ZNF718: variants seen among roughly 807,000 people sequenced by gnomAD.
ZNF718 encodes the protein zinc finger protein 718.
ZNF718 carries 3 observed loss-of-function variants against 2.6 expected under a neutral mutation model. The ratio of observed to expected loss-of-function variants is 1.16; its 90% CI spans 0.53 to 3.01. ZNF718 has a LOEUF of 3.01. Among genes scored for constraint, ZNF718 ranks in the 30% most tolerant of loss-of-function variants. ZNF718 has a pLI of 0.03. For synonymous variants in ZNF718, 135 were observed against 77.9 expected (o/e 1.73, Z -3.86); for missense variants, 468 against 230.0 (o/e 2.03, Z -6.69).
At chr4:126,859 G>C (rs188376064) in intron 1 of ZNF718, among the ~76,000 whole-genome samples, 1 of 149,060 alleles carries the variant, frequency 6.7e-6, no homozygotes, top group African/African-American at 2.5e-5. Flanking sequence ...CGGAGTCTTC[G>C]CTGTGTCGCC....
At chr4:151,025 AACTT>A (rs1716294121) in intron 3 of ZNF718, among the ~76,000 whole-genome samples, 1 of 152,186 alleles carries the variant, frequency 6.6e-6, no homozygotes, top group Non-Finnish European at 1.5e-5. Context: ...TGGCTCTACT[AACTT>A]ACAATTTTAC....
intron 3 of ZNF718, among the ~76,000 whole-genome samples, chr4:143,766 C>T (rs186297790): frequency 6.6e-6 from 1 of 152,284 alleles, no homozygotes; most frequent in East Asian, 1.9e-4. Context: ...AATCTCCAGC[C>T]AGTTCCAGGT....
chr4:142,094 G>A (rs1715837481), intron 3 of ZNF718: 9 of 518,994 alleles, frequency 1.7e-5, no homozygotes, highest in Admixed American at 1.4e-4. Flanking sequence ...TTAGGTTAAC[G>A]GGTTTTGATA....
At chr4:146,707 A>G (rs1233742156) in intron 3 of ZNF718, among the ~76,000 whole-genome samples, 4 of 151,656 alleles carry the variant, frequency 2.6e-5, no homozygotes, top group African/African-American at 9.7e-5. Flanking sequence ...CAAATTCTTT[A>G]TTCACACTTT....
chr4:153,662 C>T (rs1716437761), intron 3 of ZNF718, among the ~76,000 whole-genome samples: 1 of 152,002 alleles, frequency 6.6e-6, no homozygotes, highest in South Asian at 2.1e-4. Context: ...GATGCAGAAG[C>T]AGCATTTGGC....
chr4:145,734 A>G (rs2108791024), intron 3 of ZNF718, among the ~76,000 whole-genome samples: 1 of 152,232 alleles, frequency 6.6e-6, no homozygotes. Flanking sequence ...CTAGGATTAC[A>G]TGCATGAGAC....
rs1420156537 is a variant in ZNF718 at position 131,006 on chromosome 4, A to G, written c.130+92A>G. On this transcript the variant is annotated intron_variant, in intron 2 of 3. Coordinates refer to ENST00000510175, the MANE Select transcript of ZNF718 (RefSeq NM_001039127.6). ...TGTCTCTTGAGAGCTTCTGCTTTGC[A>G]TGAATTAATTTCAGTTCCTTCACGA... is the stretch of plus-strand genomic sequence containing the variant. 2.1e-5 allele frequency: 5 copies of G among 238,004 alleles called. 2 individuals carry two copies. The highest frequency in any genetic ancestry group is 5.3e-4 in the Middle Eastern group (1 of 1,892). 14.7% of individuals were successfully genotyped at this position (238,004 alleles called of 1,614,324 possible).
intron 3 of ZNF718, among the ~76,000 whole-genome samples, chr4:153,339 G>A (rs959379080): frequency 1.3e-5 from 2 of 152,028 alleles, no homozygotes; most frequent in Admixed American, 6.6e-5. Context: ...TATGGAGTCA[G>A]GTAGTGTGAT....
intron 3 of ZNF718, among the ~76,000 whole-genome samples, chr4:155,121 C>T (rs1271605188): frequency 3.3e-5 from 5 of 152,234 alleles, no homozygotes; most frequent in African/African-American, 1.2e-4. Flanking sequence ...GGTTTGGAAA[C>T]CTCTGCCTAC....
At chr4:186,369 C>T (rs566711733) in intron 3 of ZNF718, among the ~76,000 whole-genome samples, 2 of 152,122 alleles carry the variant, frequency 1.3e-5, no homozygotes, top group South Asian at 2.1e-4. Context: ...GTCTGATGGG[C>T]TTCTGTTTGT....
intron 3 of ZNF718, among the ~76,000 whole-genome samples, chr4:196,311 A>C (rs529465239): frequency 5.5e-4 from 84 of 152,296 alleles, no homozygotes; most frequent in Middle Eastern, 3.4e-3. Context: ...GTCCCACATA[A>C]CTGCCCATGT....
intron 3 of ZNF718, among the ~76,000 whole-genome samples, chr4:146,379 G>A (rs955786356): frequency 6.6e-6 from 1 of 151,992 alleles, no homozygotes; most frequent in Non-Finnish European, 1.5e-5. Flanking sequence ...GGCTTGCATG[G>A]TTTCTGCTGA....
At chr4:176,584 A>G (rs991500913) in intron 3 of ZNF718, among the ~76,000 whole-genome samples, 3 of 152,152 alleles carry the variant, frequency 2.0e-5, no homozygotes, top group East Asian at 1.9e-4. Context: ...GAGATTCTCT[A>G]CTTATCACCC....
At chr4:195,381 A>T (rs574556779) in intron 3 of ZNF718, among the ~76,000 whole-genome samples, 1 of 152,066 alleles carries the variant, frequency 6.6e-6, no homozygotes, top group East Asian at 1.9e-4. Flanking sequence ...TTTCTCAATC[A>T]CCCGGGAGGA....
intron 3 of ZNF718, among the ~76,000 whole-genome samples, chr4:135,239 T>TAAA (rs1227093983): frequency 3.0e-4 from 41 of 135,612 alleles, no homozygotes; most frequent in Admixed American, 5.2e-4. Flanking sequence ...ACTCTTGTCT[T>TAAA]AAAAAAAAAA....
intron 3 of ZNF718, among the ~76,000 whole-genome samples, chr4:198,171 C>G (rs559749233): frequency 2.6e-5 from 4 of 152,010 alleles, no homozygotes; most frequent in Admixed American, 6.6e-5. Flanking sequence ...TCATGAGAAA[C>G]GTGCTAAGAG....
chr4:197,313 A>C (rs1283886718), intron 3 of ZNF718, among the ~76,000 whole-genome samples: 1 of 151,438 alleles, frequency 6.6e-6, no homozygotes, highest in South Asian at 2.1e-4. Flanking sequence ...TAGAGGCTTG[A>C]GCCCCATTTT....
At chr4:188,886 A>T (rs1297282402) in intron 3 of ZNF718, among the ~76,000 whole-genome samples, 2 of 152,026 alleles carry the variant, frequency 1.3e-5, no homozygotes, top group African/African-American at 4.8e-5. Context: ...TTGTTTGGTT[A>T]TGATAACATT....
chr4:175,073 G>T, intron 3 of ZNF718, among the ~76,000 whole-genome samples: 1 of 152,100 alleles, frequency 6.6e-6, no homozygotes, highest in Admixed American at 6.5e-5. Flanking sequence ...CTATATGAGA[G>T]ATCCTTTCTA....
Sources: gnomAD v4.1 joint callset for allele counts (sites outside exome capture counted in the v4.1 genomes callset) on GRCh38, gnomAD v4.1.1 for gene constraint, MANE v1.5 for transcripts, NCBI Gene and HGNC (gene_info 2026-07-23, HGNC 2026-07-21) for gene names.